KIF6: variants seen among roughly 807,000 people sequenced by gnomAD.
The protein encoded by KIF6 is kinesin family member 6.
KIF6 carries 106 observed loss-of-function variants against 112.7 expected under a neutral mutation model. That is an observed-to-expected ratio of 0.94 (90% confidence interval 0.80 to 1.11). The LOEUF is 1.11. Ranked by LOEUF, KIF6 falls within the 50% of genes least tolerant of loss-of-function variation. The pLI is 0.00. For missense variants in KIF6, 929 were observed against 964.0 expected, an observed-to-expected ratio of 0.96 and a Z score of 0.48; for synonymous variants, 339 against 339.9, an observed-to-expected ratio of 1.00 and a Z score of 0.03.
At chr6:39,640,536 A>G (rs1377280149) in intron 3 of KIF6, among the ~76,000 whole-genome samples, 2 of 152,112 alleles carry the variant, frequency 1.3e-5, no homozygotes, top group African/African-American at 4.8e-5. Context: ...AGATGTTTTC[A>G]TTAAACTAGC....
chr6:39,438,251 G>A (rs1028487836), intron 13 of KIF6, among the ~76,000 whole-genome samples: 2 of 152,204 alleles, frequency 1.3e-5, no homozygotes, highest in Non-Finnish European at 2.9e-5. Context: ...TGGGATTACA[G>A]GTGTGAGCCA....
chr6:39,599,531 A>G (rs888156381), intron 6 of KIF6, among the ~76,000 whole-genome samples: 1 of 152,232 alleles, frequency 6.6e-6, no homozygotes, highest in Non-Finnish European at 1.5e-5. Flanking sequence ...TGCCACAATA[A>G]CTATGCCCAA....
At chr6:39,475,969 G>A (rs1053838514) in intron 13 of KIF6, among the ~76,000 whole-genome samples, 4 of 151,822 alleles carry the variant, frequency 2.6e-5, no homozygotes, top group African/African-American at 9.7e-5. Context: ...AACACTGCAT[G>A]TTCTCACTTA....
chr6:39,666,318 A>G (rs1294594413), intron 3 of KIF6, among the ~76,000 whole-genome samples: 1 of 152,214 alleles, frequency 6.6e-6, no homozygotes, highest in Non-Finnish European at 1.5e-5. Context: ...TTTATAAAGT[A>G]CTTTGTTTTT....
intron 1 of KIF6, among the ~76,000 whole-genome samples, chr6:39,722,318 C>A (rs1237781388): frequency 6.6e-6 from 1 of 152,276 alleles, no homozygotes; most frequent in African/African-American, 2.4e-5. Context: ...GATTAAGACA[C>A]TCTTTGAGGC....
intron 22 of KIF6, among the ~76,000 whole-genome samples, chr6:39,341,195 C>T (rs757443733): frequency 1.9e-4 from 29 of 152,158 alleles, no homozygotes; most frequent in Non-Finnish European, 3.1e-4. Context: ...CTTTCCCTTC[C>T]ACCCTCTCCC....
chr6:39,456,892 A>C (rs541888602), intron 13 of KIF6, among the ~76,000 whole-genome samples: 1,871 of 151,570 alleles, frequency 0.012, 49 homozygotes, highest in African/African-American at 0.043. Context: ...TGACCTACAA[A>C]GAGACTTAGA....
chr6:39,659,845 C>T (rs1309804064), intron 3 of KIF6, among the ~76,000 whole-genome samples: 1 of 152,180 alleles, frequency 6.6e-6, no homozygotes, highest in Non-Finnish European at 1.5e-5. Flanking sequence ...TGGACTAATA[C>T]ATCAAGTCAT....
chr6:39,478,609 G>A (rs1018516337), intron 13 of KIF6, among the ~76,000 whole-genome samples: 16 of 151,918 alleles, frequency 1.1e-4, no homozygotes, highest in African/African-American at 2.9e-4. Flanking sequence ...TTAAGGAATC[G>A]CCGCACTGTT....
chr6:39,351,226 T>C (rs960904375), intron 19 of KIF6, among the ~76,000 whole-genome samples: 1 of 150,498 alleles, frequency 6.6e-6, no homozygotes. Context: ...ATTTCTTTTC[T>C]TTCTTTTTTT....
intron 5 of KIF6, among the ~76,000 whole-genome samples, chr6:39,633,131 C>T (rs979002583): frequency 4.0e-5 from 6 of 151,644 alleles, no homozygotes; most frequent in African/African-American, 1.5e-4. Context: ...GTCTCTACTG[C>T]CTAAGCCAGA....
intron 15 of KIF6, among the ~76,000 whole-genome samples, chr6:39,398,704 A>C (rs568479273): frequency 6.6e-6 from 1 of 152,366 alleles, no homozygotes; most frequent in African/African-American, 2.4e-5. Context: ...TCAGAAACAC[A>C]GATCGGGTGC....
At chr6:39,491,064 G>A (rs951781461) in intron 13 of KIF6, among the ~76,000 whole-genome samples, 20 of 152,026 alleles carry the variant, frequency 1.3e-4, no homozygotes, top group African/African-American at 4.8e-4. Context: ...ATCAGGAGGT[G>A]GAATCTAATT....
rs1766653190 is a variant in KIF6, at chr6:39,378,629, CCTT to C, written c.1861+6990_1861+6992del. ...TTGGTGACAACCCCCCAGGGCCACT[CCTT>C]CTGGTAAGAACGGGAAGTTCTCATG... On this transcript the variant is annotated intron_variant, in intron 16 of 22. Coordinates refer to ENST00000287152, the MANE Select transcript of KIF6 (RefSeq NM_145027.6). This position sits in a 1 kb window ranked among gnomAD's most constrained non-coding sequence, Gnocchi z 5.0. Among the ~76,000 whole-genome samples, 1 of 152,208 alleles carries C rather than the reference CCTT, an allele frequency of 6.6e-6. No individual in the cohort carries two copies. The highest frequency in any genetic ancestry group is 2.4e-5 in the African/African-American group (1 of 41,448).
rs530160126 is a variant in KIF6 at position 39,363,761 on chromosome 6, A to G, written c.1862-1243T>C. On this transcript the variant is annotated intron_variant, in intron 16 of 22. Transcript: ENST00000287152. Reference sequence around the variant, plus strand: ...GTGTTATTATGCCCATTTTACAGATAAGGATATTGAGGTTCAAAGAGGGTA... The same window carrying G: ...GTGTTATTATGCCCATTTTACAGATGAGGATATTGAGGTTCAAAGAGGGTA... Among the ~76,000 whole-genome samples, 15 of 152,296 alleles carry G rather than the reference A, an allele frequency of 9.8e-5. No homozygotes were observed. The South Asian group carries it at 2.9e-3, about 29-fold the overall frequency.
At chr6:39,584,820 G>C in intron 9 of KIF6, 78 bp downstream of exon 9, 1 of 840,262 alleles carries the variant, frequency 1.2e-6, no homozygotes, top group Non-Finnish European at 2.0e-6. Flanking sequence ...CCAGTACAGA[G>C]CAAGTGCACC....
At chr6:39,360,342 G>T in intron 18 of KIF6, 53 bp downstream of exon 18, 1 of 1,605,244 alleles carries the variant, frequency 6.2e-7, no homozygotes. Context: ...CAGCCCCAGT[G>T]GGGCTGCATG....
At chr6:39,700,782 C>T (rs1479834802) in intron 3 of KIF6, among the ~76,000 whole-genome samples, 1 of 151,784 alleles carries the variant, frequency 6.6e-6, no homozygotes, top group African/African-American at 2.4e-5. Context: ...GGCACGATCT[C>T]GGCTCACTGC....
chr6:39,578,845 A>G (rs868317795), intron 9 of KIF6, among the ~76,000 whole-genome samples: 10 of 152,178 alleles, frequency 6.6e-5, no homozygotes, highest in African/African-American at 1.9e-4. Flanking sequence ...TAAATGTTAC[A>G]TTACTGCATG....
Sources: gnomAD v4.1 joint callset for allele counts (sites outside exome capture counted in the v4.1 genomes callset) on GRCh38, gnomAD v4.1.1 for gene constraint, Gnocchi (gnomAD v3.1) non-coding constraint, MANE v1.5 for transcripts, NCBI Gene and HGNC (gene_info 2026-07-23, HGNC 2026-07-21) for gene names.